The following VRTN variants were observed in gnomAD, a reference collection of about 807,000 sequenced individuals.
VRTN encodes the protein vertebrae development associated, also known as vertnin.
Under a neutral mutation model 18.2 loss-of-function variants are expected in VRTN, and 5 were observed. The observed-to-expected ratio is 0.27, with a 90% CI of 0.14 to 0.58. The LOEUF is 0.58. Ranked by LOEUF, VRTN falls within the 20% of genes least tolerant of loss-of-function variation. VRTN has a pLI of 0.91. For missense variants in VRTN, 741 were observed against 939.4 expected (o/e 0.79, Z 2.76); for synonymous variants, 381 against 393.7 (o/e 0.97, Z 0.38).
At chr14:74,349,345 C>T (rs1171160794) in intron 1 of VRTN, among the ~76,000 whole-genome samples, 1 of 152,108 alleles carries the variant, frequency 6.6e-6, no homozygotes, top group Non-Finnish European at 1.5e-5. Flanking sequence ...GCAGGCGCAG[C>T]CTGTGCAGTC....
In VRTN at chr14:74,357,540, G is replaced by A. The variant is rs61730671; in HGVS notation, c.757G>A (p.Gly253Ser). 7.5e-4 allele frequency: 1,203 copies of A among 1,613,672 alleles called. 9 individuals are homozygous for A. In the African/African-American group the frequency reaches 0.014, roughly 19 times the overall value. ...AGAGGTGGAGGCTGAAGGTGCCCCT[G>A]GCGTGGCCCCAGCTCTTCCAGCCCT... ...LEEVEAEGAP[G>S]VAPALPALAP... Residue 253 changes from glycine to serine, a missense_variant, in exon 2 of 2, where the codon GGC (glycine) becomes AGC (serine). By Grantham distance (56) the Gly-to-Ser change is moderately conservative (BLOSUM62 0). Coordinates refer to ENST00000256362, the MANE Select transcript of VRTN (RefSeq NM_018228.3). The surrounding 1 kb of genome is among the most constrained non-coding windows in gnomAD (Gnocchi z 7.8).
At chr14:74,309,088 G>A (rs184576680) in intron 1 of VRTN, among the ~76,000 whole-genome samples, 44 of 152,068 alleles carry the variant, frequency 2.9e-4, no homozygotes, top group African/African-American at 9.9e-4. Flanking sequence ...CTACTCTTCC[G>A]GTGATTTTTA....
intron 1 of VRTN, among the ~76,000 whole-genome samples, chr14:74,327,907 G>T (rs1298173385): frequency 6.6e-6 from 1 of 152,108 alleles, no homozygotes; most frequent in Non-Finnish European, 1.5e-5. Flanking sequence ...TTTTAGTAGA[G>T]ACAGGGTTTC....
chr14:74,305,482 T>A, intron 1 of VRTN: 1 of 207,070 alleles, frequency 4.8e-6, no homozygotes, highest in Non-Finnish European at 1.1e-5. Flanking sequence ...CTGACAGTGA[T>A]GTTGACAAAA....
chr14:74,328,513 A>C (rs535827329), intron 1 of VRTN, among the ~76,000 whole-genome samples: 1 of 152,360 alleles, frequency 6.6e-6, no homozygotes, highest in South Asian at 2.1e-4. Context: ...TTTGCAAAAC[A>C]TACACACATT....
intron 1 of VRTN, among the ~76,000 whole-genome samples, chr14:74,326,973 A>T (rs915492074): frequency 6.6e-6 from 1 of 152,010 alleles, no homozygotes; most frequent in Non-Finnish European, 1.5e-5. Context: ...CCACCCACCA[A>T]GCAGCAGCAA....
rs999328448 is a variant in VRTN, at chr14:74,357,417, G to A, written c.634G>A (p.Asp212Asn). Reference sequence around the variant, plus strand: ...CCGTGTCATCCGGCCCCGCCGCTGCGACCACGTGCCCTCCACGCTGCACAT... The same window carrying A: ...CCGTGTCATCCGGCCCCGCCGCTGCAACCACGTGCCCTCCACGCTGCACAT... ...FNRVIRPRRC[D>N]HVPSTLHIMW... The change falls in exon 2 of 2, where the codon GAC (aspartate) becomes AAC (asparagine). Residue 212 changes from aspartate (D) to asparagine (N), a missense_variant. Coordinates refer to ENST00000256362, the MANE Select transcript of VRTN (RefSeq NM_018228.3). This position sits in a 1 kb window ranked among gnomAD's most constrained non-coding sequence, Gnocchi z 7.8. 41 of 1,612,546 alleles carry A rather than the reference G, an allele frequency of 2.5e-5. No individual in the cohort carries two copies. The highest frequency in any genetic ancestry group is 3.1e-5 in the Non-Finnish European group (36 of 1,180,006).
chr14:74,312,220 C>A (rs921572316), intron 1 of VRTN, among the ~76,000 whole-genome samples: 1 of 152,156 alleles, frequency 6.6e-6, no homozygotes. Flanking sequence ...GGGTTATAGT[C>A]TCTTGCTATT....
intron 1 of VRTN, among the ~76,000 whole-genome samples, chr14:74,351,148 G>A (rs903889939): frequency 3.5e-4 from 54 of 152,272 alleles, no homozygotes; most frequent in African/African-American, 1.3e-3. Context: ...AAAACCCAAC[G>A]TCTTGCTTGT....
At position 74,358,528 on chromosome 14, in the gene VRTN, G is replaced by A. The variant is rs2085754296; in HGVS notation, c.1745G>A (p.Arg582Lys). 2 of 1,613,682 alleles carry A rather than the reference G, an allele frequency of 1.2e-6. No individual in the cohort carries two copies. Among genetic ancestry groups the A allele is most frequent in the African/African-American group, 2.7e-5 (2 of 75,068 alleles). The change falls in exon 2 of 2, where the codon AGG (arginine) becomes AAG (lysine). Residue 582 changes from arginine to lysine, a missense_variant. Arg to Lys is a conservative substitution (Grantham distance 26, BLOSUM62 2). This residue lies in a region of VRTN where 494 missense variants were observed against 546.5 expected (regional missense o/e 0.90). Coordinates refer to ENST00000256362, the MANE Select transcript of VRTN (RefSeq NM_018228.3). This position sits in a 1 kb window ranked among gnomAD's most constrained non-coding sequence, Gnocchi z 5.4. ...GAGAAGCAGGAGAAGGAGGCTGGCA[G>A]GGATGTGACAGCTGTGATGGCCCCA... is the stretch of plus-strand genomic sequence containing the variant. Reference protein sequence around the residue: ...AEEKQEKEAGRDVTAVMAPPV... With the variant: ...AEEKQEKEAGKDVTAVMAPPV...
rs1284784284 is a variant in VRTN, at chr14:74,308,397, C to A, written c.-164+5221C>A. ...CTCATTTTCATGTCCTTCTGCAAAA[C>A]CTTCTAACTGGATTTCTACACTTGA... On this transcript the variant is annotated intron_variant, in intron 1 of 2. Coordinates refer to the VRTN transcript ENST00000557177. 2.0e-5 allele frequency among the ~76,000 whole-genome samples: 3 copies of A among 152,338 alleles called. No homozygotes were observed. In the East Asian group the frequency reaches 5.8e-4, roughly 29 times the overall value.
At chr14:74,306,178 T>A (rs1363957112) in intron 1 of VRTN, 12 of 134,512 alleles carry the variant, frequency 8.9e-5, no homozygotes, top group Admixed American at 6.7e-4. Context: ...ATATATTTTT[T>A]TTTTTTTTTT....
rs1023286053 is a variant in VRTN at position 74,340,227 on chromosome 14, T to C, written c.-2+2343T>C. ...TCCCAGGTTCAAGCGATTCTCCTAC[T>C]TCAGCCTCCCTAGTAGCTGGGATTA... is the stretch of plus-strand genomic sequence containing the variant. On this transcript the variant is annotated intron_variant, in intron 2 of 2. Coordinates refer to the VRTN transcript ENST00000557177. 2.1e-4 allele frequency among the ~76,000 whole-genome samples: 32 copies of C among 151,902 alleles called. 1 individual carries two copies. The highest frequency in any genetic ancestry group is 3.5e-4 in the Non-Finnish European group (24 of 67,948).
chr14:74,343,683 T>C (rs2140207829), upstream of VRTN, among the ~76,000 whole-genome samples: 1 of 152,280 alleles, frequency 6.6e-6, no homozygotes, highest in Admixed American at 6.5e-5. Flanking sequence ...ACCAGCCACA[T>C]GTGGCTGTGG....
intron 1 of VRTN, among the ~76,000 whole-genome samples, chr14:74,317,451 G>C (rs1210684773): frequency 4.6e-5 from 7 of 152,192 alleles, no homozygotes; most frequent in African/African-American, 1.7e-4. Flanking sequence ...GTGCTGCAAA[G>C]TATCCTACAA....
At chr14:74,342,799 T>C (rs2085616888) in intron 2 of VRTN, among the ~76,000 whole-genome samples, 1 of 152,052 alleles carries the variant, frequency 6.6e-6, no homozygotes, top group African/African-American at 2.4e-5. Context: ...TTTTTTACTT[T>C]TGTGGAGACA....
Position 74,359,142 on chromosome 14 carries a change from A to C in VRTN, c.*250A>C. 1 of 673,860 alleles carries C rather than the reference A, an allele frequency of 1.5e-6. No homozygotes were observed. Among genetic ancestry groups the C allele is most frequent in the African/African-American group, 1.9e-5 (1 of 53,858 alleles). The allele number at this position is 673,860 out of a possible 1,614,324, so 41.7% of individuals were successfully genotyped here. ...TTCGTTGTTTGCTGGTCATATTTTT[A>C]CTGTTATGATTTAGTTTTTGGTTTT... On this transcript the variant is annotated 3_prime_UTR_variant, in exon 2 of 2. Transcript: ENST00000256362.
In VRTN at chr14:74,357,718, C is replaced by T. The variant is rs2140215383; in HGVS notation, c.935C>T (p.Ala312Val). ...CAGGAGCACCGGCAGAAGGTTGCTG[C>T]CCGCTTCTCCGCCAAGCACTTCCTG... The part of the protein sequence containing the change: ...QSQEHRQKVA[A>V]RFSAKHFLQD... Residue 312 changes from alanine (A) to valine (V), a missense_variant, in exon 2 of 2, where the codon GCC (alanine) becomes GTC (valine). Physicochemically the swap from Ala to Val is moderately conservative, Grantham distance 64. Transcript: ENST00000256362. This position sits in a 1 kb window ranked among gnomAD's most constrained non-coding sequence, Gnocchi z 7.8. The T allele has an allele frequency of 6.2e-7, 1 of 1,613,486 alleles. No individual in the cohort carries two copies. The highest frequency in any genetic ancestry group is 1.1e-5 in the South Asian group (1 of 91,086).
rs145765071 is a variant in VRTN, at chr14:74,328,184, C to T, written c.-163-9539C>T. Among the ~76,000 whole-genome samples, 576 of 152,236 alleles carry T rather than the reference C, an allele frequency of 3.8e-3. 3 individuals carry two copies. The highest frequency in any genetic ancestry group is 0.013 in the African/African-American group (546 of 41,532). ...TTATGAGCCAATATATCAAAAGGTA[C>T]CCTGCAGGGTGAGGACGGAAGACCC... On this transcript the variant is annotated intron_variant, in intron 1 of 2. Transcript: ENST00000557177.
Sources: gnomAD v4.1 joint callset for allele counts (sites outside exome capture counted in the v4.1 genomes callset) on GRCh38, gnomAD v4.1.1 for gene constraint, gnomAD v4.1.1 regional missense constraint, Gnocchi (gnomAD v3.1) non-coding constraint, MANE v1.5 for transcripts, NCBI Gene and HGNC (gene_info 2026-07-23, HGNC 2026-07-21) for gene names.